ZNF592: variants seen among roughly 807,000 people sequenced by gnomAD.
ZNF592 encodes the protein zinc finger protein 592.
ZNF592 carries 11 observed loss-of-function variants against 80.3 expected under a neutral mutation model. That is an observed-to-expected ratio of 0.14 (90% CI 0.09 to 0.23). The LOEUF (loss-of-function observed/expected upper bound fraction) is 0.23. Ranked by LOEUF, ZNF592 falls within the 10% of genes least tolerant of loss-of-function variation. The pLI, the probability that ZNF592 is intolerant of heterozygous loss-of-function variation, is 1.00. For missense variants in ZNF592, 1,420 were observed against 1,633.9 expected (o/e 0.87, Z 2.26); for synonymous variants, 646 against 640.3 (o/e 1.01, Z -0.13).
intron 4 of ZNF592, among the ~76,000 whole-genome samples, chr15:84,786,207 A>G (rs1356350356): frequency 6.6e-6 from 1 of 152,182 alleles, no homozygotes; most frequent in Non-Finnish European, 1.5e-5. Flanking sequence ...AGGAGCTTAC[A>G]GTGGCCTAGC....
chr15:84,752,167 G>A (rs1462797544), intron 1 of ZNF592, among the ~76,000 whole-genome samples: 3 of 152,132 alleles, frequency 2.0e-5, no homozygotes, highest in Non-Finnish European at 4.4e-5. Flanking sequence ...CTTGAATTTC[G>A]TGTGACTTTT....
At chr15:84,771,534 T>A (rs1021387427) in intron 2 of ZNF592, among the ~76,000 whole-genome samples, 1 of 152,146 alleles carries the variant, frequency 6.6e-6, no homozygotes, top group African/African-American at 2.4e-5. Context: ...CACATTGGAA[T>A]GCATCCTCCA....
At chr15:84,758,858 C>T (rs983908856) in intron 1 of ZNF592, among the ~76,000 whole-genome samples, 1 of 151,792 alleles carries the variant, frequency 6.6e-6, no homozygotes, top group Admixed American at 6.6e-5. Context: ...GCTGGGAAGT[C>T]TAGGATGTAG....
chr15:84,776,303 C>T (rs1318353548), intron 2 of ZNF592, among the ~76,000 whole-genome samples: 1 of 152,264 alleles, frequency 6.6e-6, no homozygotes, highest in Non-Finnish European at 1.5e-5. Context: ...GTTTGCTCTT[C>T]TCAACTTTGG....
At chr15:84,777,143 T>C (rs1313760825) in intron 2 of ZNF592, among the ~76,000 whole-genome samples, 1 of 151,896 alleles carries the variant, frequency 6.6e-6, no homozygotes, top group Non-Finnish European at 1.5e-5. Flanking sequence ...TTTTTTCCTT[T>C]TTGTATATTA....
At chr15:84,787,479 A>G (rs1211592472) in intron 4 of ZNF592, among the ~76,000 whole-genome samples, 1 of 152,184 alleles carries the variant, frequency 6.6e-6, no homozygotes, top group Non-Finnish European at 1.5e-5. Context: ...GCTTCAGCCC[A>G]TGTGTCCAGG....
At chr15:84,768,879 C>T (rs1276607117) in intron 2 of ZNF592, among the ~76,000 whole-genome samples, 1 of 152,232 alleles carries the variant, frequency 6.6e-6, no homozygotes, top group African/African-American at 2.4e-5. Context: ...ACTTGGGAAT[C>T]TGTGATTATC....
rs1440081811 is a variant in ZNF592, at chr15:84,798,158, C to T, written c.2576+113C>T. On this transcript the variant is annotated intron_variant, in intron 6 of 10. Transcript: ENST00000560079. This position sits in a 1 kb window ranked among gnomAD's most constrained non-coding sequence, Gnocchi z 4.5. ...GAGCTGGGGTTAGTGGCAGAGGTGC[C>T]TGGGGTCGTACTAAGGATGTCCTGA... The T allele has an allele frequency of 3.2e-6, 5 of 1,565,304 alleles. No homozygotes were observed. In the Admixed American group the frequency reaches 8.6e-5, roughly 27 times the overall value.
intron 1 of ZNF592, among the ~76,000 whole-genome samples, chr15:84,760,710 G>T (rs1417219931): frequency 6.6e-6 from 1 of 152,200 alleles, no homozygotes; most frequent in Non-Finnish European, 1.5e-5. Flanking sequence ...GAAGGAGTGT[G>T]GTTGGGTGGA....
intron 5 of ZNF592, among the ~76,000 whole-genome samples, chr15:84,792,908 AT>A (rs1156246373): frequency 6.6e-6 from 1 of 152,206 alleles, no homozygotes; most frequent in African/African-American, 2.4e-5. Flanking sequence ...ATCCCAGGCT[AT>A]ATTTTAAACC....
At chr15:84,764,852 A>G (rs1041103238) in intron 2 of ZNF592, 37 bp downstream of exon 2, 1 of 398,576 alleles carries the variant, frequency 2.5e-6, no homozygotes, top group Non-Finnish European at 4.4e-6. Flanking sequence ...GGCCTTGAAA[A>G]GCCAAGAGTT....
chr15:84,764,175 G>A (rs1221507688), intron 1 of ZNF592, among the ~76,000 whole-genome samples: 1 of 152,276 alleles, frequency 6.6e-6, no homozygotes, highest in East Asian at 1.9e-4. Flanking sequence ...GTTGTGTGGA[G>A]GGGTAAACTA....
At chr15:84,752,017 C>T (rs765430433) in intron 1 of ZNF592, among the ~76,000 whole-genome samples, 10 of 152,164 alleles carry the variant, frequency 6.6e-5, no homozygotes, top group Non-Finnish European at 1.0e-4. Context: ...CCACCTCCAC[C>T]TCCCAAAGTG....
At position 84,783,748 on chromosome 15, in the gene ZNF592, G is replaced by A. The variant is rs1437125818; in HGVS notation, c.1073G>A (p.Ser358Asn). 2 of 1,614,118 alleles carry A rather than the reference G, an allele frequency of 1.2e-6. No homozygotes were observed. The highest frequency in any genetic ancestry group is 1.7e-6 in the Non-Finnish European group (2 of 1,180,044). ...CGTAGCATCTGCAGTGACAGCAGCA[G>A]CAAAGGCTCACCGTCTGTGGCTGCC... ...SPRSICSDSS[S>N]KGSPSVAASS... The change falls in exon 4 of 11, where the codon AGC becomes AAC. Residue 358 changes from serine (S) to asparagine (N), a missense_variant. Physicochemically the swap from Ser to Asn is conservative, Grantham distance 46 (BLOSUM62 1). Around this residue, in one of 7 missense-constraint regions of ZNF592, gnomAD observed 524 missense variants for 628.3 expected, o/e 0.83. Coordinates refer to ENST00000560079, the MANE Select transcript of ZNF592 (RefSeq NM_014630.3). This position sits in a 1 kb window ranked among gnomAD's most constrained non-coding sequence, Gnocchi z 5.0.
chr15:84,798,918 G>T lies in ZNF592; in HGVS notation c.3024+43G>T, dbSNP rs1011013875. 2.5e-6 allele frequency: 4 copies of T among 1,598,646 alleles called. No homozygotes were observed. The African/African-American group carries it at 5.3e-5, about 21-fold the overall frequency. On this transcript the variant is annotated intron_variant, in intron 8 of 10. Transcript: ENST00000560079. This position sits in a 1 kb window ranked among gnomAD's most constrained non-coding sequence, Gnocchi z 4.5. ...GTCATAATGCAGAGCCCAGTCCTCT[G>T]GACTTCCTTCTGTGAAGCCAGAACC...
chr15:84,764,416 C>T (rs928861983), intron 1 of ZNF592, among the ~76,000 whole-genome samples: 10 of 152,182 alleles, frequency 6.6e-5, no homozygotes, highest in Non-Finnish European at 1.0e-4. Context: ...GATGAAGAAT[C>T]TTCCCCCAGG....
chr15:84,781,091 C>G (rs932597522), intron 3 of ZNF592, among the ~76,000 whole-genome samples: 1 of 151,824 alleles, frequency 6.6e-6, no homozygotes, highest in Non-Finnish European at 1.5e-5. Flanking sequence ...ACTCTGTCGC[C>G]CAGGCTGGGG....
At chr15:84,775,953 T>A (rs1962239019) in intron 2 of ZNF592, among the ~76,000 whole-genome samples, 1 of 152,274 alleles carries the variant, frequency 6.6e-6, no homozygotes, top group Non-Finnish European at 1.5e-5. Flanking sequence ...AAACTTATTC[T>A]GAGAGAGGGT....
In ZNF592 at chr15:84,798,618, G is replaced by A. The variant is rs140752402; in HGVS notation, c.2767G>A (p.Glu923Lys). 2.0e-5 allele frequency: 33 copies of A among 1,613,950 alleles called. No homozygotes were observed. In the Admixed American group the frequency reaches 2.8e-4, roughly 14 times the overall value. The change falls in exon 8 of 11, where the codon GAG becomes AAG. Residue 923 changes from glutamate (E) to lysine (K), a missense_variant. By Grantham distance (56) the Glu-to-Lys change is moderately conservative. This residue lies in a region of ZNF592 where 331 missense variants were observed against 347.0 expected (regional missense o/e 0.95). Coordinates refer to ENST00000560079, the MANE Select transcript of ZNF592 (RefSeq NM_014630.3). The surrounding 1 kb of genome is among the most constrained non-coding windows in gnomAD (Gnocchi z 4.5). The part of the protein sequence containing the change: ...STHGVPRNVD[E>K]LSSLQSSADT... ...CCACGGTGTTCCCCGAAATGTGGAC[G>A]AGCTGTCAAGCCTCCAGTCTTCAGC...
Sources: gnomAD v4.1 joint callset for allele counts (sites outside exome capture counted in the v4.1 genomes callset) on GRCh38, gnomAD v4.1.1 for gene constraint, gnomAD v4.1.1 regional missense constraint, Gnocchi (gnomAD v3.1) non-coding constraint, MANE v1.5 for transcripts, NCBI Gene and HGNC (gene_info 2026-07-23, HGNC 2026-07-21) for gene names.